The following GLIS3 variants were observed in gnomAD, a reference collection of about 807,000 sequenced individuals.
GLIS3 encodes the protein zinc finger protein GLIS3.
GLIS3 carries 53 observed loss-of-function variants against 78.6 expected under a neutral mutation model. That is an observed-to-expected ratio of 0.67 (90% CI 0.54 to 0.85). The LOEUF is 0.85. Among genes scored for constraint, GLIS3 ranks in the 40% least tolerant of loss-of-function variants. The pLI is 0.00. For synonymous variants in GLIS3, 684 were observed against 509.9 expected, an observed-to-expected ratio of 1.34 and a Z score of -4.60; for missense variants, 1,703 against 1,231.1, an observed-to-expected ratio of 1.38 and a Z score of -5.74.
chr9:4,413,709 G>A, the GLIS3 span, among the ~76,000 whole-genome samples: 1 of 151,960 alleles, frequency 6.6e-6, no homozygotes, highest in Non-Finnish European at 1.5e-5. Flanking sequence ...CCTAACACGG[G>A]GGACTCATTT....
Position 3,840,098 on chromosome 9 carries a change from T to C in GLIS3, c.2474-10606A>G, listed in dbSNP as rs139231333. Among the ~76,000 whole-genome samples, 58 of 152,248 alleles carry C rather than the reference T, an allele frequency of 3.8e-4. No homozygotes were observed. In the East Asian group the frequency reaches 9.6e-3, roughly 25 times the overall value. On this transcript the variant is annotated intron_variant, in intron 9 of 10. Coordinates refer to ENST00000381971, the MANE Select transcript of GLIS3 (RefSeq NM_001042413.2). ...TCATTTTCTTTGAAATTTTATAGGGTTGTGGAAAATATTATGTATAACAGT... is the reference window on the plus strand; with the variant it reads ...TCATTTTCTTTGAAATTTTATAGGGCTGTGGAAAATATTATGTATAACAGT...
intron 9 of GLIS3, among the ~76,000 whole-genome samples, chr9:3,851,755 C>G (rs1819447407): frequency 6.6e-6 from 1 of 152,228 alleles, no homozygotes; most frequent in African/African-American, 2.4e-5. Flanking sequence ...GCAACAGCAT[C>G]TACACACAGA....
the GLIS3 span, among the ~76,000 whole-genome samples, chr9:4,400,237 G>C: frequency 6.6e-6 from 1 of 152,210 alleles, no homozygotes; most frequent in Non-Finnish European, 1.5e-5. Flanking sequence ...TGGATTGAAG[G>C]GAGGGCATGT....
At chr9:4,456,196 A>AT in the GLIS3 span, among the ~76,000 whole-genome samples, 1 of 152,236 alleles carries the variant, frequency 6.6e-6, no homozygotes, top group Non-Finnish European at 1.5e-5. Flanking sequence ...ACAAACTTTA[A>AT]TTTTAAAATA....
At chr9:4,378,165 T>C in the GLIS3 span, among the ~76,000 whole-genome samples, 8 of 152,126 alleles carry the variant, frequency 5.3e-5, no homozygotes, top group Non-Finnish European at 1.0e-4. Flanking sequence ...AGCTCAATTA[T>C]GAAAGTAATT....
chr9:4,355,853 T>C, the GLIS3 span, among the ~76,000 whole-genome samples: 2 of 152,180 alleles, frequency 1.3e-5, no homozygotes, highest in Non-Finnish European at 2.9e-5. Flanking sequence ...ATACCTGCTT[T>C]CTAACTAGAA....
At chr9:4,062,274 A>G (rs1024389131) in intron 4 of GLIS3, among the ~76,000 whole-genome samples, 3 of 152,206 alleles carry the variant, frequency 2.0e-5, no homozygotes, top group African/African-American at 7.2e-5. Context: ...ATGATGTTGT[A>G]TAAGGTGTTC....
chr9:4,034,492 C>G (rs904265670), intron 4 of GLIS3: 10 of 152,166 alleles, frequency 6.6e-5, no homozygotes, highest in Non-Finnish European at 1.0e-4. Flanking sequence ...GCCCACAACA[C>G]CTGATAATTA....
At chr9:4,070,396 A>T (rs1245937367) in intron 4 of GLIS3, among the ~76,000 whole-genome samples, 1 of 152,178 alleles carries the variant, frequency 6.6e-6, no homozygotes, top group East Asian at 1.9e-4. Flanking sequence ...TCTCTCAGAC[A>T]TGTAATAAGG....
chr9:3,914,227 C>G lies in GLIS3; in HGVS notation c.1984-15392G>C, dbSNP rs558362059. On this transcript the variant is annotated intron_variant, in intron 6 of 10. Coordinates refer to ENST00000381971, the MANE Select transcript of GLIS3 (RefSeq NM_001042413.2). ...ATGGCGTGATCATAGCTCACTGTAT[C>G]CTTGAATTCCTGGGCTCAAGCTATC... Among the ~76,000 whole-genome samples, 12 of 152,182 alleles carry G rather than the reference C, an allele frequency of 7.9e-5. No individual in the cohort carries two copies. The South Asian group carries it at 2.3e-3, about 29-fold the overall frequency.
intron 2 of GLIS3, among the ~76,000 whole-genome samples, chr9:4,175,022 C>T (rs1816696419): frequency 6.6e-6 from 1 of 152,114 alleles, no homozygotes; most frequent in Non-Finnish European, 1.5e-5. Context: ...AGGGGCAGGC[C>T]CTCCTCAAGC....
chr9:4,285,712 T>A, intron 2 of GLIS3: 1 of 350,824 alleles, frequency 2.9e-6, no homozygotes, highest in Non-Finnish European at 5.4e-6. Flanking sequence ...GCTACCTGTA[T>A]CCGGAGGGCA....
intron 4 of GLIS3, among the ~76,000 whole-genome samples, chr9:3,981,478 C>T (rs909353162): frequency 2.0e-5 from 3 of 152,118 alleles, no homozygotes; most frequent in Admixed American, 6.6e-5. Flanking sequence ...TCAGCCATCA[C>T]CTCCTTCTGG....
intron 7 of GLIS3, among the ~76,000 whole-genome samples, chr9:3,888,167 C>T (rs1039873506): frequency 2.0e-5 from 3 of 152,136 alleles, no homozygotes; most frequent in Admixed American, 2.0e-4. Flanking sequence ...TGGCCAATCA[C>T]TCCTGGAAGT....
At chr9:4,265,888 C>G (rs867766969) in intron 2 of GLIS3, among the ~76,000 whole-genome samples, 7 of 146,622 alleles carry the variant, frequency 4.8e-5, no homozygotes, top group African/African-American at 1.8e-4. Flanking sequence ...GTAAAATGCA[C>G]TCACCCTGGT....
chr9:4,453,351 A>AAAAG, the GLIS3 span, among the ~76,000 whole-genome samples: 1 of 135,170 alleles, frequency 7.4e-6, no homozygotes, highest in African/African-American at 3.7e-5. Flanking sequence ...ACAGCAAAAA[A>AAAAG]AAAAAAAAAA....
At chr9:4,204,285 C>T (rs1819654493) in intron 2 of GLIS3, among the ~76,000 whole-genome samples, 1 of 152,162 alleles carries the variant, frequency 6.6e-6, no homozygotes, top group South Asian at 2.1e-4. Context: ...GATTCTTTCA[C>T]ACACACATCC....
At chr9:4,239,554 T>C (rs1054479020) in intron 2 of GLIS3, among the ~76,000 whole-genome samples, 1 of 152,206 alleles carries the variant, frequency 6.6e-6, no homozygotes, top group African/African-American at 2.4e-5. Context: ...CATTGAGATC[T>C]TGGTATCAAG....
chr9:3,916,894 G>T (rs143857072), intron 6 of GLIS3, among the ~76,000 whole-genome samples: 1 of 152,130 alleles, frequency 6.6e-6, no homozygotes, highest in African/African-American at 2.4e-5. Context: ...CCTTTTATTA[G>T]TATATTCAAG....
Sources: gnomAD v4.1 joint callset for allele counts (sites outside exome capture counted in the v4.1 genomes callset) on GRCh38, gnomAD v4.1.1 for gene constraint, MANE v1.5 for transcripts, NCBI Gene and HGNC (gene_info 2026-07-23, HGNC 2026-07-21) for gene names.